ESX1: variants seen among roughly 807,000 people sequenced by gnomAD.
ESX1 encodes the protein ESX homeobox 1.
A neutral mutation model predicts 13.2 loss-of-function variants in ESX1; 2 were observed. The observed-to-expected ratio is 0.15, with a 90% confidence interval of 0.06 to 0.48. The LOEUF is 0.48. Ranked by LOEUF, ESX1 falls within the 20% of genes least tolerant of loss-of-function variation. The pLI is 0.97. For missense variants in ESX1, 307 were observed against 379.0 expected (o/e 0.81, Z 1.58); for synonymous variants, 157 against 163.1 (o/e 0.96, Z 0.29).
chrX:104,252,179 C>G (rs1043752067), intron 3 of ESX1, among the ~76,000 whole-genome samples: 1 of 112,276 alleles, frequency 8.9e-6, no homozygotes, highest in Admixed American at 9.5e-5. Flanking sequence ...TGAATTACTC[C>G]TTCACTCCAA....
intron 1 of ESX1, 32 bp from the exon 2 acceptor site, chrX:104,254,609 G>C: frequency 8.4e-7 from 1 of 1,193,077 alleles, no homozygotes; most frequent in Non-Finnish European, 1.1e-6. Context: ...AGAGACACCA[G>C]GGCGTTGGAG....
In ESX1 at chrX:104,254,425, C is replaced by T. The variant is rs1923275856; in HGVS notation, c.235G>A (p.Gly79Ser). The stretch of plus-strand genomic sequence containing the variant: ...TCCTGCTGTTGCTCCGGCTCGTGGC[C>T]GCCGCCACCCTCACGGTCTTGGTCG... ...SDDQDREGGG[G>S]HEPEQQQEEP... Residue 79 changes from glycine to serine, a missense_variant, in exon 2 of 4, where the codon GGC (glycine) becomes AGC (serine). Physicochemically the swap from Gly to Ser is moderately conservative, Grantham distance 56. Coordinates refer to ENST00000372588, the MANE Select transcript of ESX1 (RefSeq NM_153448.4). 8.3e-7 allele frequency: 1 copy of T among 1,211,895 alleles called. No homozygotes were observed.
In ESX1 at chrX:104,250,790, C is replaced by T. The variant is rs1923164602; in HGVS notation, c.659G>A (p.Gly220Asp). The change falls in exon 4 of 4, where the codon GGT becomes GAT. Residue 220 changes from glycine to aspartate, a missense_variant. Physicochemically the swap from Gly to Asp is moderately conservative, Grantham distance 94. Transcript: ENST00000372588. Reference protein sequence around the residue: ...DLAHPLDMFLGGAYYAAPALD... With the variant: ...DLAHPLDMFLDGAYYAAPALD... ...AGCAGGAGCAGCATAATAGGCCCCA[C>T]CCAAGAACATGTCCAAAGGGTGGGC... 8.3e-7 allele frequency: 1 copy of T among 1,209,802 alleles called. No individual in the cohort carries two copies. Among genetic ancestry groups the T allele is most frequent in the South Asian group, 1.8e-5 (1 of 56,831 alleles).
intron 1 of ESX1, 82 bp from the exon 2 acceptor site, chrX:104,254,659 T>C (rs974663335): frequency 9.0e-5 from 103 of 1,149,687 alleles, no homozygotes; most frequent in Non-Finnish European, 1.1e-4. Context: ...GGACCCGCTA[T>C]GGAAGAGCAA....
intron 3 of ESX1, 128 bp downstream of exon 3, chrX:104,252,655 G>A: frequency 1.5e-6 from 1 of 665,606 alleles, no homozygotes; most frequent in Admixed American, 2.5e-5. Context: ...AGCCCCTACT[G>A]TTCAAAACTT....
At chrX:104,251,485 G>A (rs1923183289) in intron 3 of ESX1, among the ~76,000 whole-genome samples, 2 of 112,211 alleles carry the variant, frequency 1.8e-5, no homozygotes, top group African/African-American at 6.5e-5. Context: ...GGTCTACTTT[G>A]TTGGGCTGCT....
rs1923298215 is a variant in ESX1, at chrX:104,254,909, C to A, written c.-60G>T. The A allele has an allele frequency of 9.8e-7, 1 of 1,019,733 alleles. No homozygotes were observed. The highest frequency in any genetic ancestry group is 1.4e-6 in the Non-Finnish European group (1 of 727,562). 84.0% of individuals were successfully genotyped at this position (1,019,733 alleles called of 1,213,427 possible). On this transcript the variant is annotated 5_prime_UTR_variant, in exon 1 of 4. Coordinates refer to ENST00000372588, the MANE Select transcript of ESX1 (RefSeq NM_153448.4). ...GCAGACTCTGTGCGTGGTTCCGCGG[C>A]GATCCCGGGGTTGGAACTGGCTCTG...
chrX:104,253,194 C>G (rs1923227443), intron 2 of ESX1, among the ~76,000 whole-genome samples: 1 of 108,438 alleles, frequency 9.2e-6, no homozygotes, highest in African/African-American at 3.4e-5. Flanking sequence ...TTTCTCTCCC[C>G]CACCTCCCAG....
At chrX:104,251,520 G>C (rs1409917967) in intron 3 of ESX1, among the ~76,000 whole-genome samples, 1 of 111,931 alleles carries the variant, frequency 8.9e-6, no homozygotes, top group Non-Finnish European at 1.9e-5. Flanking sequence ...ACCCACAGGC[G>C]TGCAGTGCAG....
rs782185750 is a variant in ESX1, at chrX:104,254,333, C to G, written c.327G>C (p.Glu109Asp). The G allele has an allele frequency of 6.1e-5, 74 of 1,209,941 alleles. No individual in the cohort carries two copies. Among genetic ancestry groups the G allele is most frequent in the Middle Eastern group, 2.3e-4 (1 of 4,372 alleles). Residue 109 changes from glutamate to aspartate, a missense_variant, in exon 2 of 4, where the codon GAG (glutamate) becomes GAC (aspartate). Coordinates refer to ENST00000372588, the MANE Select transcript of ESX1 (RefSeq NM_153448.4). ...EEPPLLELKQ[E>D]QEEPPQTTVE... The stretch of plus-strand genomic sequence containing the variant: ...CGGTCGTCTGGGGCGGCTCCTCCTG[C>G]TCTTGCTTCAGCTCGAGCAGGGGCG...
intron 1 of ESX1, 89 bp from the exon 2 acceptor site, chrX:104,254,666 G>A (rs1669205085): frequency 7.0e-6 from 8 of 1,143,010 alleles, no homozygotes; most frequent in South Asian, 3.8e-5. Flanking sequence ...CTATGGAAGA[G>A]CAACTGCGAC....
chrX:104,253,974 C>G (rs114634917), intron 2 of ESX1, among the ~76,000 whole-genome samples, 180 bp downstream of exon 2: 5,043 of 111,984 alleles, frequency 0.045, 245 homozygotes, highest in African/African-American at 0.15. Context: ...GGCGGGATCC[C>G]ACCCTGCCTC....
intron 2 of ESX1, among the ~76,000 whole-genome samples, chrX:104,253,569 C>G (rs1556394945): frequency 9.0e-6 from 1 of 111,696 alleles, no homozygotes; most frequent in Non-Finnish European, 1.9e-5. Flanking sequence ...CTTTGCCGGG[C>G]GAAGGCTAAG....
intron 2 of ESX1, 132 bp downstream of exon 2, chrX:104,254,022 C>G: frequency 1.3e-6 from 1 of 793,973 alleles, no homozygotes; most frequent in Non-Finnish European, 1.8e-6. Context: ...TCTTTTACAT[C>G]CTCCGCGCCC....
intron 2 of ESX1, among the ~76,000 whole-genome samples, chrX:104,253,647 C>G (rs1360525519): frequency 9.0e-6 from 1 of 110,536 alleles, no homozygotes; most frequent in Non-Finnish European, 1.9e-5. Flanking sequence ...GCCCCCCATT[C>G]CAGCCTGGCC....
rs1556395352 is a variant in ESX1, at chrX:104,254,409, T to G, written c.251A>C (p.Gln84Pro). ...GGTCAGGGGCGGCTCCTCCTGCTGT[T>G]GCTCCGGCTCGTGGCCGCCGCCACC... is the stretch of plus-strand genomic sequence containing the variant. ...REGGGGHEPE[Q>P]QQEEPPLTKP... Residue 84 changes from glutamine (Q) to proline (P), a missense_variant, in exon 2 of 4, where the codon CAA becomes CCA. By Grantham distance (76) the Gln-to-Pro change is moderately conservative. Transcript: ENST00000372588. 8.3e-7 allele frequency: 1 copy of G among 1,212,012 alleles called. No homozygotes were observed. Among genetic ancestry groups the G allele is most frequent in the Admixed American group, 2.2e-5 (1 of 46,116 alleles).
rs1556393718 is a variant in ESX1, at chrX:104,250,317, T to TGGGTGGCAGAGGCGCCATGGGCGGCCC, written c.1105_1131dup (p.Gly369_Pro377dup). 94 of 1,142,885 alleles carry TGGGTGGCAGAGGCGCCATGGGCGGCCC rather than the reference T, an allele frequency of 8.2e-5. 10 individuals carry two copies. Among genetic ancestry groups the TGGGTGGCAGAGGCGCCATGGGCGGCCC allele is most frequent in the African/African-American group, 7.1e-4 (35 of 49,143 alleles). 94.2% of individuals were successfully genotyped at this position (1,142,885 alleles called of 1,213,427 possible). ...AGGCCAGTGTGAGGCACATGTGACCTGGGTGGCAGAGGCGCCATGGGCGGC... is the reference window on the plus strand; with the variant it reads ...AGGCCAGTGTGAGGCACATGTGACCTGGGTGGCAGAGGCGCCATGGGCGGCCCGGGTGGCAGAGGCGCCATGGGCGGC... On this transcript the variant is annotated inframe_insertion, in exon 4 of 4. Coordinates refer to ENST00000372588, the MANE Select transcript of ESX1 (RefSeq NM_153448.4).
intron 3 of ESX1, among the ~76,000 whole-genome samples, chrX:104,252,406 A>G (rs1034890395): frequency 5.4e-5 from 6 of 112,129 alleles, no homozygotes. Flanking sequence ...GTGTTAGAAG[A>G]AGGTTAATCT....
chrX:104,252,208 C>T (rs943594302), intron 3 of ESX1, among the ~76,000 whole-genome samples: 4 of 112,246 alleles, frequency 3.6e-5, no homozygotes, highest in Admixed American at 9.5e-5. Context: ...TATAAATTCA[C>T]TCATTTAGCT....
Sources: allele counts gnomAD v4.1 joint callset (sites outside exome capture counted in the v4.1 genomes callset), GRCh38; gene constraint gnomAD v4.1.1; transcripts MANE v1.5; gene names NCBI Gene and HGNC (gene_info 2026-07-23, HGNC 2026-07-21).